CNTNAP2: variants seen among roughly 807,000 people sequenced by gnomAD.
CNTNAP2 encodes the protein contactin-associated protein-like 2.
CNTNAP2 carries 98 observed loss-of-function variants against 155.2 expected under a neutral mutation model. That is an observed-to-expected ratio of 0.63 (90% CI 0.54 to 0.75). The LOEUF is 0.75. CNTNAP2 is among the 30% of genes least tolerant of loss of function. The pLI, the probability that CNTNAP2 is intolerant of heterozygous loss-of-function variation, is 0.00. For synonymous variants in CNTNAP2, 651 were observed against 631.2 expected, an observed-to-expected ratio of 1.03 and a Z score of -0.47; for missense variants, 1,727 against 1,688.1, an observed-to-expected ratio of 1.02 and a Z score of -0.40.
chr7:146,665,792 A>AAAAAAAAAAAAAAC lies in CNTNAP2; in HGVS notation c.98-108473_98-108472insAAAAAAACAAAAAA, dbSNP rs1563179426. On this transcript the variant is annotated intron_variant, in intron 1 of 23. Transcript: ENST00000361727. ...TGAGACTCTGTCTCATTAAAAAAAA[A>AAAAAAAAAAAAAAC]AAAAAATACATTTTGTAACTGATTT... Among the ~76,000 whole-genome samples, 2 of 147,956 alleles carry AAAAAAAAAAAAAAC rather than the reference A, an allele frequency of 1.4e-5. 1 individual carries two copies. The highest frequency in any genetic ancestry group is 4.3e-4 in the South Asian group (2 of 4,684).
rs1180247862 is a variant in CNTNAP2, at chr7:148,417,790, T to C, written c.*2174T>C. 1 of 152,252 alleles carries C rather than the reference T, an allele frequency of 6.6e-6. No homozygotes were observed. Among genetic ancestry groups the C allele is most frequent in the Non-Finnish European group, 1.5e-5 (1 of 68,046 alleles). 9.4% of individuals were successfully genotyped at this position (152,252 alleles called of 1,614,324 possible). On this transcript the variant is annotated 3_prime_UTR_variant, in exon 24 of 24. Transcript: ENST00000361727. ...CAATTCCCATGATAGCTCTGTTCTT[T>C]ATGCATTGTCTCAACACTTTCCCTT...
chr7:146,909,165 T>C lies in CNTNAP2; in HGVS notation c.402+69261T>C, dbSNP rs948374879. Among the ~76,000 whole-genome samples, 50 of 151,930 alleles carry C rather than the reference T, an allele frequency of 3.3e-4. No individual in the cohort carries two copies. In the East Asian group the frequency reaches 3.3e-3, roughly 10 times the overall value. On this transcript the variant is annotated intron_variant, in intron 3 of 23. Transcript: ENST00000361727. ...CTGAAATTGTGGCAATAATCAATAG[T>C]TTACCAACCAAAAAGAGTCTAGGAC...
Position 148,147,768 on chromosome 7 carries a change from TA to T in CNTNAP2, c.2773+60del. On this transcript the variant is annotated intron_variant, in intron 17 of 23. Transcript: ENST00000361727. ...TGTTGATTTTTAAGAGCCTGCACAATACAAAAAAAAAAAAAAATCAGCCTAT... is the reference window on the plus strand; with the variant it reads ...TGTTGATTTTTAAGAGCCTGCACAATCAAAAAAAAAAAAAAATCAGCCTAT... 13 of 1,341,482 alleles carry T rather than the reference TA, an allele frequency of 9.7e-6. No homozygotes were observed. The South Asian group carries it at 1.8e-4, about 19-fold the overall frequency. The allele number at this position is 1,341,482 out of a possible 1,614,324, so 83.1% of individuals were successfully genotyped here. A position where few individuals can be genotyped will look rare whatever the true frequency, so the allele number is the denominator to read the frequency against.
intron 1 of CNTNAP2, among the ~76,000 whole-genome samples, chr7:146,702,034 A>G (rs1323122850): frequency 6.6e-6 from 1 of 152,150 alleles, no homozygotes; most frequent in East Asian, 1.9e-4. Context: ...GCTATATTGT[A>G]CTTTATTTGA....
At chr7:146,496,471 C>T (rs980342268) in intron 1 of CNTNAP2, among the ~76,000 whole-genome samples, 2 of 152,010 alleles carry the variant, frequency 1.3e-5, no homozygotes, top group African/African-American at 4.8e-5. Flanking sequence ...TAATGGAGAA[C>T]AATTGAAACT....
chr7:148,385,069 TTAATC>T (rs1355620400), intron 22 of CNTNAP2, among the ~76,000 whole-genome samples: 1 of 152,226 alleles, frequency 6.6e-6, no homozygotes, highest in African/African-American at 2.4e-5. Context: ...TTTGATTGCT[TTAATC>T]ATGTTCCGGC....
intron 3 of CNTNAP2, among the ~76,000 whole-genome samples, chr7:146,865,790 CTTCTA>C (rs1795193775): frequency 6.6e-6 from 1 of 152,052 alleles, no homozygotes; most frequent in South Asian, 2.1e-4. Context: ...AAATCAAAAT[CTTCTA>C]TTCTTCAAAT....
chr7:147,785,944 A>G (rs368585719), intron 13 of CNTNAP2, among the ~76,000 whole-genome samples: 19 of 151,966 alleles, frequency 1.3e-4, no homozygotes, highest in East Asian at 1.2e-3. Flanking sequence ...ATGAGCCAAG[A>G]TCGTGCCACC....
intron 3 of CNTNAP2, among the ~76,000 whole-genome samples, chr7:146,943,629 G>T (rs1797099829): frequency 2.0e-5 from 3 of 152,202 alleles, no homozygotes. Context: ...AACCGCAGCT[G>T]CAGGCTTCTG....
chr7:148,362,209 A>C (rs953438528), intron 21 of CNTNAP2, among the ~76,000 whole-genome samples: 1 of 121,028 alleles, frequency 8.3e-6, no homozygotes, highest in African/African-American at 2.7e-5. Context: ...AAAAAAAAAA[A>C]CAAAAAACAA....
intron 1 of CNTNAP2, among the ~76,000 whole-genome samples, chr7:146,508,384 T>C (rs181420964): frequency 1.4e-3 from 213 of 152,300 alleles, no homozygotes; most frequent in African/African-American, 4.8e-3. Context: ...ATGGAGGAGA[T>C]ATACACAGTT....
In CNTNAP2 at chr7:146,203,987, A is replaced by G. The variant is rs553245508; in HGVS notation, c.97+87014A>G. 3.4e-4 allele frequency among the ~76,000 whole-genome samples: 52 copies of G among 152,270 alleles called. 1 individual carries two copies. In the South Asian group the frequency reaches 9.7e-3, roughly 29 times the overall value. On this transcript the variant is annotated intron_variant, in intron 1 of 23. Transcript: ENST00000361727. ...ATTATATACTGTACCTTTACTACAT[A>G]TATGACTTTTCAATTATTTAATAAA...
At chr7:147,678,370 T>G (rs1417172463) in intron 13 of CNTNAP2, among the ~76,000 whole-genome samples, 1 of 151,970 alleles carries the variant, frequency 6.6e-6, no homozygotes, top group Non-Finnish European at 1.5e-5. Context: ...TTACTAATAA[T>G]TGAACCTTCT....
chr7:147,911,640 C>T (rs766792857), intron 14 of CNTNAP2, among the ~76,000 whole-genome samples: 2 of 152,194 alleles, frequency 1.3e-5, no homozygotes, highest in Non-Finnish European at 2.9e-5. Flanking sequence ...ACACCACCAT[C>T]GTTCTATTTT....
chr7:147,069,367 A>C (rs1799846070), intron 4 of CNTNAP2, among the ~76,000 whole-genome samples: 1 of 152,202 alleles, frequency 6.6e-6, no homozygotes, highest in South Asian at 2.1e-4. Flanking sequence ...CCATAATCAG[A>C]AAAGAAAACC....
intron 12 of CNTNAP2, among the ~76,000 whole-genome samples, chr7:147,586,766 C>T (rs1405364106): frequency 6.6e-6 from 1 of 152,036 alleles, no homozygotes; most frequent in Non-Finnish European, 1.5e-5. Flanking sequence ...AGTTCCTGTT[C>T]CACTTGGAAA....
chr7:146,735,666 G>T (rs976020415), intron 1 of CNTNAP2, among the ~76,000 whole-genome samples: 1 of 135,730 alleles, frequency 7.4e-6, no homozygotes, highest in Non-Finnish European at 1.5e-5. Context: ...TATGTTTATA[G>T]CTATTTATAT....
chr7:146,704,062 A>C (rs1394447483), intron 1 of CNTNAP2, among the ~76,000 whole-genome samples: 4 of 152,170 alleles, frequency 2.6e-5, no homozygotes, highest in African/African-American at 9.7e-5. Flanking sequence ...GACTCTGAAC[A>C]AATTAATATA....
intron 12 of CNTNAP2, among the ~76,000 whole-genome samples, chr7:147,590,198 CTTTTATTTATT>C (rs1800710835): frequency 6.6e-6 from 1 of 152,092 alleles, no homozygotes; most frequent in Admixed American, 6.6e-5. Context: ...ATCCTATCTT[CTTTTATTTATT>C]TTTTATTTAT....
Sources: gnomAD v4.1 joint callset for allele counts (sites outside exome capture counted in the v4.1 genomes callset) on GRCh38, gnomAD v4.1.1 for gene constraint, MANE v1.5 for transcripts, NCBI Gene and HGNC (gene_info 2026-07-23, HGNC 2026-07-21) for gene names.